The following CNOT6 variants were observed in gnomAD, a reference collection of about 807,000 sequenced individuals.
CNOT6 encodes CCR4-NOT transcription complex subunit 6.
In CNOT6, 12 loss-of-function variants were observed where a neutral mutation model predicts 61.2. The ratio of observed to expected loss-of-function variants is 0.20; its 90% CI spans 0.13 to 0.32. CNOT6 has a LOEUF of 0.32. CNOT6 is among the 10% of genes least tolerant of loss of function. The pLI, the probability that CNOT6 is intolerant of heterozygous loss-of-function variation, is 1.00. For synonymous variants in CNOT6, 225 were observed against 240.6 expected, an observed-to-expected ratio of 0.94 and a Z score of 0.60; for missense variants, 405 against 663.9, an observed-to-expected ratio of 0.61 and a Z score of 4.28.
intron 1 of CNOT6, among the ~76,000 whole-genome samples, chr5:180,498,283 A>G (rs28522110): frequency 0.037 from 5,689 of 152,238 alleles, 230 homozygotes; most frequent in African/African-American, 0.1. Flanking sequence ...ACGTTAAGGT[A>G]TGTACTGGCC....
At chr5:180,569,050 A>AAT in intron 9 of CNOT6, 60 bp from the exon 10 acceptor site, 2 of 1,248,498 alleles carry the variant, frequency 1.6e-6, no homozygotes, top group South Asian at 2.7e-5. Flanking sequence ...ACGCTGTAAG[A>AAT]ATATATGGGC....
intron 2 of CNOT6, among the ~76,000 whole-genome samples, chr5:180,538,692 A>ATATGTATG (rs140761918): frequency 2.8e-5 from 1 of 36,058 alleles, no homozygotes; most frequent in South Asian, 8.2e-4. Flanking sequence ...AAAGGTATAT[A>ATATGTATG]TATATATATA....
chr5:180,553,932 A>C (rs1262284046), intron 4 of CNOT6, among the ~76,000 whole-genome samples: 1 of 152,236 alleles, frequency 6.6e-6, no homozygotes, highest in Non-Finnish European at 1.5e-5. Context: ...TAGGGCCATA[A>C]TTGATCCAGC....
chr5:180,573,552 A>AGTGTGT (rs755954581), intron 11 of CNOT6, among the ~76,000 whole-genome samples: 42 of 119,262 alleles, frequency 3.5e-4, no homozygotes, highest in South Asian at 1.5e-3. Context: ...GGAGGGGGGC[A>AGTGTGT]GTGTGTGTGT....
chr5:180,507,337 C>T (rs553600089), intron 1 of CNOT6, among the ~76,000 whole-genome samples: 6 of 152,204 alleles, frequency 3.9e-5, no homozygotes, highest in Non-Finnish European at 8.8e-5. Context: ...TGGTGGCTCA[C>T]GCCTGTAATC....
chr5:180,562,512 G>T (rs541376020), intron 4 of CNOT6, among the ~76,000 whole-genome samples: 1 of 152,104 alleles, frequency 6.6e-6, no homozygotes, highest in Non-Finnish European at 1.5e-5. Context: ...AGGCCGAGTC[G>T]GGTGGATCAC....
rs1761053126 is a variant in CNOT6, at chr5:180,577,306, A to C, written c.*3106A>C. The C allele has an allele frequency of 6.6e-6, 1 of 152,532 alleles. No individual in the cohort carries two copies. The highest frequency in any genetic ancestry group is 6.5e-5 in the Admixed American group (1 of 15,268). 9.4% of individuals were successfully genotyped at this position (152,532 alleles called of 1,614,324 possible). A position where few individuals can be genotyped will look rare whatever the true frequency, so the allele number is the denominator to read the frequency against. On this transcript the variant is annotated 3_prime_UTR_variant, in exon 12 of 12. Coordinates refer to ENST00000261951, the MANE Select transcript of CNOT6 (RefSeq NM_001370472.1). ...ATGCACTTCTAAATGTTTAAATTAAAATTTCAAAGCTCTTTCGAGATTCAG... is the reference window on the plus strand; with the variant it reads ...ATGCACTTCTAAATGTTTAAATTAACATTTCAAAGCTCTTTCGAGATTCAG...
intron 11 of CNOT6, 98 bp from the exon 12 acceptor site, chr5:180,573,890 T>A: frequency 1.2e-6 from 1 of 816,464 alleles, no homozygotes. Flanking sequence ...CTTGTTCTGT[T>A]CTGTTCACCA....
chr5:180,543,769 C>T (rs898683221), intron 2 of CNOT6, among the ~76,000 whole-genome samples: 6 of 151,892 alleles, frequency 4.0e-5, no homozygotes, highest in African/African-American at 1.2e-4. Flanking sequence ...ATTTTGCTAT[C>T]GTAAACATTT....
intron 1 of CNOT6, among the ~76,000 whole-genome samples, chr5:180,500,497 G>A (rs1318667869): frequency 6.6e-6 from 1 of 150,780 alleles, no homozygotes; most frequent in Non-Finnish European, 1.5e-5. Flanking sequence ...GAGTGCAGTG[G>A]CGCTATCTAG....
chr5:180,541,407 A>G (rs1047403752), intron 2 of CNOT6, among the ~76,000 whole-genome samples: 1 of 124,938 alleles, frequency 8.0e-6, no homozygotes, highest in African/African-American at 3.0e-5. Context: ...GAAGTGCTGG[A>G]TTACAGGCAT....
At chr5:180,550,267 T>C (rs1308827443) in intron 3 of CNOT6, 150 bp downstream of exon 3, 4 of 570,640 alleles carry the variant, frequency 7.0e-6, no homozygotes, top group Non-Finnish European at 1.2e-5. Context: ...CTGGCCAACA[T>C]GGTGAAACCC....
intron 2 of CNOT6, among the ~76,000 whole-genome samples, chr5:180,531,271 G>C (rs1164452992): frequency 6.6e-6 from 1 of 150,840 alleles, no homozygotes; most frequent in East Asian, 2.0e-4. Flanking sequence ...TCTCAGACGG[G>C]GTGGCCGGTC....
chr5:180,521,353 A>G (rs775411357), intron 1 of CNOT6, among the ~76,000 whole-genome samples: 2 of 152,228 alleles, frequency 1.3e-5, no homozygotes, highest in South Asian at 2.1e-4. Context: ...ACAGCTGCCT[A>G]GGTTACAGTT....
chr5:180,548,828 T>A lies in CNOT6; in HGVS notation c.113-1103T>A, dbSNP rs118165868. Among the ~76,000 whole-genome samples, 83 of 152,396 alleles carry A rather than the reference T, an allele frequency of 5.4e-4. 3 individuals carry two copies. The East Asian group carries it at 0.013, about 25-fold the overall frequency. On this transcript the variant is annotated intron_variant, in intron 2 of 11. Coordinates refer to ENST00000261951, the MANE Select transcript of CNOT6 (RefSeq NM_001370472.1). ...CAGCCAATAGAAAATTAATCAGTTCTGAAAGACTGGTATGTTTTTATTACA... is the reference window on the plus strand; with the variant it reads ...CAGCCAATAGAAAATTAATCAGTTCAGAAAGACTGGTATGTTTTTATTACA...
chr5:180,529,254 A>T (rs1238932123), intron 1 of CNOT6, 21 bp from the exon 2 acceptor site: 20 of 1,130,536 alleles, frequency 1.8e-5, no homozygotes, highest in South Asian at 8.9e-5. Context: ...TAGAATACTG[A>T]TTGGTTTCTT....
chr5:180,549,855 TA>T, intron 2 of CNOT6, 75 bp from the exon 3 acceptor site: 1 of 1,141,676 alleles, frequency 8.8e-7, no homozygotes, highest in Non-Finnish European at 1.3e-6. Context: ...TAAAAACATC[TA>T]AATCTTACTG....
chr5:180,553,415 G>A lies in CNOT6; in HGVS notation c.329G>A (p.Arg110Gln), dbSNP rs774500626. 14 of 1,613,798 alleles carry A rather than the reference G, an allele frequency of 8.7e-6. No homozygotes were observed. Among genetic ancestry groups the A allele is most frequent in the Non-Finnish European group, 1.2e-5 (14 of 1,179,892 alleles). ...CTCCATTTAAATAACAACCTGTTAC[G>A]AGTTCTACCTTTTGAGCTGGGAAAA... ...RELHLNNNLL[R>Q]VLPFELGKLF... The change falls in exon 4 of 12, where the codon CGA becomes CAA. Residue 110 changes from arginine to glutamine, a missense_variant. Physicochemically the swap from Arg to Gln is conservative, Grantham distance 43. Transcript: ENST00000261951.
chr5:180,498,712 T>C (rs1422330220), intron 1 of CNOT6, among the ~76,000 whole-genome samples: 1 of 152,182 alleles, frequency 6.6e-6, no homozygotes, highest in Non-Finnish European at 1.5e-5. Flanking sequence ...GCAAGGCGAT[T>C]TGGAGGTCAC....
Sources: gnomAD v4.1 joint callset for allele counts (sites outside exome capture counted in the v4.1 genomes callset) on GRCh38, gnomAD v4.1.1 for gene constraint, MANE v1.5 for transcripts, NCBI Gene and HGNC (gene_info 2026-07-23, HGNC 2026-07-21) for gene names.